Variants in SF3A3 observed in about 807,000 individuals in gnomAD.
The protein encoded by SF3A3 is SAP 61.
Under a neutral mutation model 85.8 loss-of-function variants are expected in SF3A3, and 9 were observed. The ratio of observed to expected loss-of-function variants is 0.10; its 90% CI spans 0.06 to 0.18. The LOEUF (loss-of-function observed/expected upper bound fraction) is 0.18. Among genes scored for constraint, SF3A3 ranks in the 10% least tolerant of loss-of-function variants. SF3A3 has a pLI of 1.00. For synonymous variants in SF3A3, 195 were observed against 204.4 expected (o/e 0.95, Z 0.39); for missense variants, 306 against 593.3 (o/e 0.52, Z 5.03).
At chr1:37,967,101 G>C (rs1220195292) in intron 15 of SF3A3, among the ~76,000 whole-genome samples, 1 of 115,368 alleles carries the variant, frequency 8.7e-6, no homozygotes, top group East Asian at 2.5e-4. Context: ...ACTAAAAATA[G>C]AAAAATTAGC....
chr1:37,969,445 T>A lies in SF3A3; in HGVS notation c.1190A>T (p.Tyr397Phe). The A allele has an allele frequency of 3.1e-6, 5 of 1,613,604 alleles. No homozygotes were observed. The highest frequency in any genetic ancestry group is 4.2e-6 in the Non-Finnish European group (5 of 1,179,904). Residue 397 changes from tyrosine to phenylalanine, a missense_variant, in exon 14 of 17, where the codon TAT becomes TTT. Tyr to Phe is a conservative substitution (Grantham distance 22). Transcript: ENST00000373019. ...GTTGATATTTAGGCCATGAAGCTTA[T>A]ACAGCCAGTAGGGAATAGGCTAAAA... is the stretch of plus-strand genomic sequence containing the variant. ...WDGKPIPYWLYKLHGLNINYN... is the reference protein window; with the variant it reads ...WDGKPIPYWLFKLHGLNINYN...
rs1646485021 is a variant in SF3A3, at chr1:37,989,981, GC to G, written c.-17del. On this transcript the variant is annotated 5_prime_UTR_variant, in exon 1 of 17. Coordinates refer to ENST00000373019, the MANE Select transcript of SF3A3 (RefSeq NM_006802.4). ...TTGTCTCCATCTTCCCTTAGTCGCGGCTTCTCAATTCAGACCACCAACACGG... is the reference window on the plus strand; with the variant it reads ...TTGTCTCCATCTTCCCTTAGTCGCGGTTCTCAATTCAGACCACCAACACGG... 3 of 1,596,054 alleles carry G rather than the reference GC, an allele frequency of 1.9e-6. No individual in the cohort carries two copies. The highest frequency in any genetic ancestry group is 2.6e-6 in the Non-Finnish European group (3 of 1,169,198).
rs1292889430 is a variant in SF3A3 at position 37,957,940 on chromosome 1, G to A, written c.*246C>T. The A allele has an allele frequency of 2.0e-6, 1 of 488,548 alleles. No individual in the cohort carries two copies. Among genetic ancestry groups the A allele is most frequent in the Non-Finnish European group, 3.7e-6 (1 of 272,532 alleles). 30.3% of individuals were successfully genotyped at this position (488,548 alleles called of 1,614,324 possible). A position where few individuals can be genotyped will look rare whatever the true frequency, so the allele number is the denominator to read the frequency against. ...CGTTAAGACCTGAAGCACTGAGTTG[G>A]TCCATAACCCTGGGCTTTAGAACAA... On this transcript the variant is annotated 3_prime_UTR_variant, in exon 17 of 17. Coordinates refer to ENST00000373019, the MANE Select transcript of SF3A3 (RefSeq NM_006802.4).
At chr1:37,978,405 T>C (rs1646394554) in intron 11 of SF3A3, among the ~76,000 whole-genome samples, 2 of 152,118 alleles carry the variant, frequency 1.3e-5, no homozygotes. Context: ...GATTCAACTT[T>C]ACCAAAAATA....
intron 12 of SF3A3, among the ~76,000 whole-genome samples, chr1:37,975,540 G>C (rs1646373320): frequency 6.6e-6 from 1 of 151,562 alleles, no homozygotes; most frequent in African/African-American, 2.4e-5. Context: ...GGGAGAAAGT[G>C]GTGGACAAAT....
chr1:37,987,148 G>A (rs1434711504), intron 4 of SF3A3, among the ~76,000 whole-genome samples: 4 of 152,038 alleles, frequency 2.6e-5, no homozygotes, highest in African/African-American at 7.2e-5. Flanking sequence ...GCGCAATCTC[G>A]GCTCACTGCA....
At chr1:37,967,217 T>C (rs1377786692) in intron 15 of SF3A3, among the ~76,000 whole-genome samples, 1 of 146,020 alleles carries the variant, frequency 6.8e-6, no homozygotes, top group Non-Finnish European at 1.5e-5. Flanking sequence ...ATCGTGCCAC[T>C]GCACTCCAGC....
chr1:37,979,617 A>C, intron 8 of SF3A3, 84 bp from the exon 9 acceptor site: 1 of 931,740 alleles, frequency 1.1e-6, no homozygotes, highest in South Asian at 1.5e-5. Context: ...GCATTTTGGG[A>C]GGCCAAGATA....
At chr1:37,960,948 T>A (rs1226663211) in intron 15 of SF3A3, among the ~76,000 whole-genome samples, 1 of 152,086 alleles carries the variant, frequency 6.6e-6, no homozygotes, top group Non-Finnish European at 1.5e-5. Flanking sequence ...CCACTGTGCC[T>A]GGCCAACAAC....
chr1:37,981,885 A>G, intron 6 of SF3A3, 74 bp from the exon 7 acceptor site: 2 of 861,402 alleles, frequency 2.3e-6, no homozygotes, highest in South Asian at 1.6e-5. Context: ...ATAATCTCCA[A>G]TAAGTGAGAT....
chr1:37,988,895 A>ATT (rs1200614023), intron 2 of SF3A3, among the ~76,000 whole-genome samples: 2,476 of 147,314 alleles, frequency 0.017, 75 homozygotes, highest in African/African-American at 0.059. Flanking sequence ...ATATATATAT[A>ATT]TTTTTTTTTT....
intron 16 of SF3A3, 31 bp downstream of exon 16, chr1:37,960,089 T>G: frequency 6.3e-7 from 1 of 1,595,548 alleles, no homozygotes; most frequent in Non-Finnish European, 8.6e-7. Flanking sequence ...CACTTGACAC[T>G]ATCCCTAACA....
rs1186890843 is a variant in SF3A3, at chr1:37,986,811, C to CAAAAAA, written c.303+756_303+761dup. Reference sequence around the variant, plus strand: ...TGGGCAACAGAGCGAGACTCCATCTCAAAAAAAAAAAAAAAAAAAAAGACA... The same window carrying CAAAAAA: ...TGGGCAACAGAGCGAGACTCCATCTCAAAAAAAAAAAAAAAAAAAAAAAAAAAGACA... On this transcript the variant is annotated intron_variant, in intron 4 of 16. Transcript: ENST00000373019. 2.0e-3 allele frequency among the ~76,000 whole-genome samples: 126 copies of CAAAAAA among 61,970 alleles called. 2 individuals are homozygous for CAAAAAA. The highest frequency in any genetic ancestry group is 2.9e-3 in the Admixed American group (11 of 3,734). The allele number at this position is 61,970 out of a possible 152,430, so 40.7% of individuals were successfully genotyped here.
Position 37,978,815 on chromosome 1 carries a change from C to G in SF3A3, c.840G>C (p.Glu280Asp), listed in dbSNP as rs772587433. 2.5e-5 allele frequency: 40 copies of G among 1,573,710 alleles called. No individual in the cohort carries two copies. The highest frequency in any genetic ancestry group is 3.4e-5 in the Non-Finnish European group (39 of 1,157,742). Residue 280 changes from glutamate (E) to aspartate (D), a missense_variant, in exon 11 of 17, where the codon GAG (glutamate) becomes GAC (aspartate). Transcript: ENST00000373019. Reference protein sequence around the residue: ...LGLKCGGTLEERAQRLFSTKG... With the variant: ...LGLKCGGTLEDRAQRLFSTKG... ...TGGTACTGAATAGTCTCTGGGCTCG[C>G]TCTTCTAGGGTCCTAAGGAGACAGG...
rs150561786 is a variant in SF3A3, at chr1:37,969,447, C to T, written c.1188G>A (p.Leu396=). ...TGATATTTAGGCCATGAAGCTTATACAGCCAGTAGGGAATAGGCTAAAAAA... is the reference window on the plus strand; with the variant it reads ...TGATATTTAGGCCATGAAGCTTATATAGCCAGTAGGGAATAGGCTAAAAAA... ...GWDGKPIPYW[L]YKLHGLNINY... The change falls in exon 14 of 17, where the codon CTG becomes CTA. Residue 396 remains leucine (L), a synonymous_variant. Coordinates refer to ENST00000373019, the MANE Select transcript of SF3A3 (RefSeq NM_006802.4). The T allele has an allele frequency of 5.6e-6, 9 of 1,613,314 alleles. No individual in the cohort carries two copies. The highest frequency in any genetic ancestry group is 1.1e-5 in the South Asian group (1 of 91,072).
chr1:37,971,280 C>A (rs1442766247), intron 12 of SF3A3, among the ~76,000 whole-genome samples: 1 of 152,172 alleles, frequency 6.6e-6, no homozygotes, highest in Non-Finnish European at 1.5e-5. Context: ...TTCCTGGACA[C>A]ATACACCCTC....
At chr1:37,981,934 C>A in intron 6 of SF3A3, 123 bp from the exon 7 acceptor site, 2 of 624,042 alleles carry the variant, frequency 3.2e-6, no homozygotes, top group Non-Finnish European at 2.7e-6. Context: ...CAAGGGCTGG[C>A]TAATTTTGGT....
chr1:37,962,762 A>C (rs560577844), intron 15 of SF3A3, among the ~76,000 whole-genome samples: 1 of 142,944 alleles, frequency 7.0e-6, no homozygotes, highest in African/African-American at 2.7e-5. Context: ...ATAAATTTAT[A>C]AGTAAAACCC....
At chr1:37,983,754 G>A (rs541684947) in intron 6 of SF3A3, among the ~76,000 whole-genome samples, 4 of 151,794 alleles carry the variant, frequency 2.6e-5, no homozygotes, top group Non-Finnish European at 5.9e-5. Flanking sequence ...GGGCAACACT[G>A]CAAGACCCCA....
Sources: allele counts gnomAD v4.1 joint callset (sites outside exome capture counted in the v4.1 genomes callset), GRCh38; gene constraint gnomAD v4.1.1; transcripts MANE v1.5; gene names NCBI Gene and HGNC (gene_info 2026-07-23, HGNC 2026-07-21).